Variants in FLVCR2 observed in about 807,000 individuals in gnomAD.
FLVCR2 encodes the protein FLVCR choline and putative heme transporter 2.
In FLVCR2, 38 loss-of-function variants were observed where a neutral mutation model predicts 48.9. That is an observed-to-expected ratio of 0.78 (90% confidence interval 0.60 to 1.02). FLVCR2 has a LOEUF of 1.02. Among genes scored for constraint, FLVCR2 ranks in the 50% least tolerant of loss-of-function variants. The pLI, the probability that FLVCR2 is intolerant of heterozygous loss-of-function variation, is 0.00. For synonymous variants in FLVCR2, 255 were observed against 257.0 expected (o/e 0.99, Z 0.07); for missense variants, 664 against 663.3 (o/e 1.00, Z -0.01).
chr14:75,631,384 A>T (rs1031995348), intron 3 of FLVCR2, among the ~76,000 whole-genome samples: 7 of 152,146 alleles, frequency 4.6e-5, no homozygotes, highest in Non-Finnish European at 1.0e-4. Context: ...CTGGGGTGGA[A>T]CAGAGACCAC....
At chr14:75,586,475 A>G (rs1235967649) in intron 1 of FLVCR2, among the ~76,000 whole-genome samples, 8 of 152,240 alleles carry the variant, frequency 5.3e-5, no homozygotes, top group Non-Finnish European at 7.3e-5. Flanking sequence ...ATGATGGCTT[A>G]GCTTGGGCTC....
chr14:75,623,329 G>A (rs1889811179), intron 2 of FLVCR2, among the ~76,000 whole-genome samples: 1 of 151,744 alleles, frequency 6.6e-6, no homozygotes, highest in Non-Finnish European at 1.5e-5. Context: ...AATGATTGAG[G>A]TATTTGGTAA....
At chr14:75,641,133 G>C (rs764900079) in intron 7 of FLVCR2, 49 bp from the exon 8 acceptor site, 1 of 1,549,494 alleles carries the variant, frequency 6.5e-7, no homozygotes, top group South Asian at 1.1e-5. Context: ...TCTTCCTCAT[G>C]AGTTAGTTGA....
chr14:75,596,131 C>T (rs1331110824), intron 1 of FLVCR2: 4 of 858,512 alleles, frequency 4.7e-6, no homozygotes, highest in Non-Finnish European at 7.9e-6. Flanking sequence ...TGAAGGATAT[C>T]AATGACTGTT....
At chr14:75,590,849 C>T (rs1046401925) in intron 1 of FLVCR2, among the ~76,000 whole-genome samples, 1 of 152,180 alleles carries the variant, frequency 6.6e-6, no homozygotes, top group African/African-American at 2.4e-5. Flanking sequence ...AACCTCTTTT[C>T]TTTATCAATT....
chr14:75,605,691 G>T, intron 1 of FLVCR2: 1 of 1,446,992 alleles, frequency 6.9e-7, no homozygotes, highest in South Asian at 1.2e-5. Context: ...GCCTTAGGAG[G>T]GAGGAGTGTT....
At chr14:75,598,791 G>A (rs1187718836) in intron 1 of FLVCR2, among the ~76,000 whole-genome samples, 1 of 152,248 alleles carries the variant, frequency 6.6e-6, no homozygotes, top group Non-Finnish European at 1.5e-5. Context: ...TGGCTTTGTT[G>A]CCTTGCCAGG....
At chr14:75,581,125 G>A (rs562000983) in intron 1 of FLVCR2, among the ~76,000 whole-genome samples, 3 of 152,306 alleles carry the variant, frequency 2.0e-5, no homozygotes, top group South Asian at 2.1e-4. Context: ...GGGTGATACT[G>A]TGGGGTTGTT....
At position 75,624,752 on chromosome 14, in the gene FLVCR2, G is replaced by A; in HGVS notation, c.952G>A (p.Gly318Ser). The A allele has an allele frequency of 1.2e-6, 2 of 1,614,048 alleles. No homozygotes were observed. Among genetic ancestry groups the A allele is most frequent in the Non-Finnish European group, 1.7e-6 (2 of 1,179,992 alleles). The stretch of plus-strand genomic sequence containing the variant: ...CTTTGTGCTGCTTGTCATCACCTAT[G>A]GTAAGGTGTCAATGTGTCTAGGAAT... Reference protein sequence around the residue: ...LNFVLLVITYGLNAGAFYALS... With the variant: ...LNFVLLVITYSLNAGAFYALS... Residue 318 changes from glycine to serine, a missense_variant and splice_region_variant, in exon 3 of 10, where the codon GGT (glycine) becomes AGT (serine). Gly to Ser is a moderately conservative substitution (Grantham distance 56, BLOSUM62 0). Transcript: ENST00000238667.
intron 1 of FLVCR2, among the ~76,000 whole-genome samples, chr14:75,595,030 C>A (rs1390604285): frequency 1.3e-5 from 2 of 152,130 alleles, no homozygotes; most frequent in African/African-American, 2.4e-5. Flanking sequence ...ATTATCACCT[C>A]TTAAAGACCT....
intron 1 of FLVCR2, among the ~76,000 whole-genome samples, chr14:75,606,657 G>T (rs1889298147): frequency 6.6e-6 from 1 of 152,136 alleles, no homozygotes; most frequent in African/African-American, 2.4e-5. Context: ...AACCACGTGG[G>T]TGTTCATTAA....
intron 3 of FLVCR2, among the ~76,000 whole-genome samples, chr14:75,625,547 C>T (rs1313128070): frequency 6.6e-6 from 1 of 151,980 alleles, no homozygotes; most frequent in Non-Finnish European, 1.5e-5. Context: ...GTTCAAGCTG[C>T]TACATATCTA....
intron 1 of FLVCR2, among the ~76,000 whole-genome samples, chr14:75,586,963 T>C (rs1169752413): frequency 1.3e-5 from 2 of 152,100 alleles, no homozygotes; most frequent in East Asian, 3.8e-4. Flanking sequence ...GATCATAGCA[T>C]AGAGGATTTG....
intron 1 of FLVCR2, among the ~76,000 whole-genome samples, chr14:75,604,629 T>C (rs1003877652): frequency 6.6e-6 from 1 of 152,126 alleles, no homozygotes; most frequent in Admixed American, 6.5e-5. Flanking sequence ...GGTAATCGCC[T>C]CTGTCTTCTG....
rs74452744 is a variant in FLVCR2, at chr14:75,631,505, T to C, written c.953-2124T>C. Among the ~76,000 whole-genome samples the C allele has an allele frequency of 8.0e-3, 1,223 of 152,286 alleles. 21 individuals are homozygous for C. Among genetic ancestry groups the C allele is most frequent in the African/African-American group, 0.028 (1,161 of 41,544 alleles). Reference sequence around the variant, plus strand: ...TTCCCCAGGTCTTTATCAGGACCAGTGAGCACTGGTGTATTTTTTTTGCTC... The same window carrying C: ...TTCCCCAGGTCTTTATCAGGACCAGCGAGCACTGGTGTATTTTTTTTGCTC... On this transcript the variant is annotated intron_variant, in intron 3 of 9. Transcript: ENST00000238667.
At chr14:75,632,444 C>T (rs1164404599) in intron 3 of FLVCR2, among the ~76,000 whole-genome samples, 1 of 152,174 alleles carries the variant, frequency 6.6e-6, no homozygotes, top group African/African-American at 2.4e-5. Flanking sequence ...TTTCACTGGC[C>T]TGTCACTTAT....
chr14:75,634,532 A>C (rs1890118545), intron 4 of FLVCR2, among the ~76,000 whole-genome samples: 1 of 152,238 alleles, frequency 6.6e-6, no homozygotes, highest in Admixed American at 6.5e-5. Flanking sequence ...AGTTCAAAAA[A>C]ACCTAAGAAT....
intron 1 of FLVCR2, among the ~76,000 whole-genome samples, chr14:75,584,096 T>A (rs1272676757): frequency 6.6e-6 from 1 of 152,198 alleles, no homozygotes; most frequent in Non-Finnish European, 1.5e-5. Flanking sequence ...AATCCCGGGC[T>A]GCGGGCATTC....
chr14:75,595,068 T>A (rs56168786), intron 1 of FLVCR2, among the ~76,000 whole-genome samples: 1 of 152,080 alleles, frequency 6.6e-6, no homozygotes, highest in Non-Finnish European at 1.5e-5. Context: ...ACACTGGGGA[T>A]TGAGTCTTTA....
Sources: allele counts gnomAD v4.1 joint callset (sites outside exome capture counted in the v4.1 genomes callset), GRCh38; gene constraint gnomAD v4.1.1; transcripts MANE v1.5; gene names NCBI Gene and HGNC (gene_info 2026-07-23, HGNC 2026-07-21).